TTC28: variants seen among roughly 807,000 people sequenced by gnomAD.
TTC28 encodes the protein tetratricopeptide repeat domain 28, also known as tetratricopeptide repeat protein 28.
In TTC28, 61 loss-of-function variants were observed where a neutral mutation model predicts 198.0. The ratio of observed to expected loss-of-function variants is 0.31; its 90% CI spans 0.25 to 0.38. The LOEUF (loss-of-function observed/expected upper bound fraction) is 0.38. Among genes scored for constraint, TTC28 ranks in the 10% least tolerant of loss-of-function variants. The pLI, the probability that TTC28 is intolerant of heterozygous loss-of-function variation, is 1.00. For missense variants in TTC28, 2,678 were observed against 3,164.0 expected, an observed-to-expected ratio of 0.85 and a Z score of 3.69; for synonymous variants, 1,171 against 1,297.8, an observed-to-expected ratio of 0.90 and a Z score of 2.10.
chr22:28,144,844 AC>A (rs1415921122), intron 6 of TTC28, among the ~76,000 whole-genome samples: 1 of 152,216 alleles, frequency 6.6e-6, no homozygotes, highest in East Asian at 1.9e-4. Context: ...GGTGCGCCTC[AC>A]CATCTGGGCA....
chr22:28,257,618 G>C (rs191826455), intron 5 of TTC28, among the ~76,000 whole-genome samples: 27 of 150,934 alleles, frequency 1.8e-4, no homozygotes, highest in Admixed American at 1.6e-3. Flanking sequence ...AGAGCGAAAA[G>C]GAGAAAAGGA....
chr22:28,308,289 G>C (rs972612946), intron 2 of TTC28, among the ~76,000 whole-genome samples: 1 of 151,934 alleles, frequency 6.6e-6, no homozygotes, highest in African/African-American at 2.4e-5. Context: ...TATTGCAAGA[G>C]GCAACAGTAT....
intron 5 of TTC28, among the ~76,000 whole-genome samples, chr22:28,260,805 G>A (rs1931263719): frequency 6.6e-6 from 1 of 152,214 alleles, no homozygotes; most frequent in South Asian, 2.1e-4. Context: ...AGACTAATGG[G>A]TCACTGTCAG....
At chr22:28,355,787 A>T (rs1450766306) in intron 2 of TTC28, among the ~76,000 whole-genome samples, 3 of 152,162 alleles carry the variant, frequency 2.0e-5, no homozygotes, top group Non-Finnish European at 4.4e-5. Context: ...AACAGATCTC[A>T]CACCCAACTA....
intron 2 of TTC28, among the ~76,000 whole-genome samples, chr22:28,468,690 A>ATTTTTTTTTTTT (rs35984422): frequency 2.5e-4 from 31 of 122,288 alleles, no homozygotes; most frequent in Non-Finnish European, 4.5e-4. Flanking sequence ...CGCCCGGCTA[A>ATTTTTTTTTTTT]TTTTTTTTTT....
At chr22:28,658,854 G>A (rs573922968) in intron 1 of TTC28, among the ~76,000 whole-genome samples, 15 of 152,152 alleles carry the variant, frequency 9.9e-5, no homozygotes, top group East Asian at 3.9e-4. Flanking sequence ...AAAATTAGCC[G>A]GACATGGTGA....
chr22:28,280,795 T>C (rs1257729459), intron 5 of TTC28, among the ~76,000 whole-genome samples: 1 of 152,248 alleles, frequency 6.6e-6, no homozygotes, highest in Non-Finnish European at 1.5e-5. Flanking sequence ...GATAATTTTC[T>C]TGGTTTTCCC....
chr22:28,495,621 T>C (rs1374599971), intron 2 of TTC28, among the ~76,000 whole-genome samples: 1 of 152,104 alleles, frequency 6.6e-6, no homozygotes, highest in Non-Finnish European at 1.5e-5. Flanking sequence ...CAAAAAATAG[T>C]GAATTAAATA....
chr22:28,657,300 T>C (rs73170615), intron 1 of TTC28, among the ~76,000 whole-genome samples: 5,042 of 152,310 alleles, frequency 0.033, 125 homozygotes, highest in Middle Eastern at 0.068. Flanking sequence ...CTTTGAAATG[T>C]AACTCTTGTT....
intron 2 of TTC28, among the ~76,000 whole-genome samples, chr22:28,377,851 G>A (rs1262576967): frequency 6.6e-6 from 1 of 152,046 alleles, no homozygotes; most frequent in African/African-American, 2.4e-5. Context: ...CCATAAAGAG[G>A]AGAATAATAA....
At chr22:28,582,088 T>A (rs2050241402) in intron 2 of TTC28, among the ~76,000 whole-genome samples, 1 of 152,138 alleles carries the variant, frequency 6.6e-6, no homozygotes. Context: ...AACATTTTTC[T>A]TAGATAATAA....
At chr22:28,163,668 A>T in intron 5 of TTC28, 69 bp from the exon 6 acceptor site, 3 of 1,450,262 alleles carry the variant, frequency 2.1e-6, no homozygotes, top group Non-Finnish European at 1.8e-6. Flanking sequence ...TTTGGCAGAT[A>T]AAATTTTACA....
chr22:28,186,704 G>A (rs1002555576), intron 5 of TTC28, among the ~76,000 whole-genome samples: 2 of 152,102 alleles, frequency 1.3e-5, no homozygotes, highest in African/African-American at 4.8e-5. Context: ...AACCTCAGAA[G>A]CCTCTTTCTG....
intron 2 of TTC28, among the ~76,000 whole-genome samples, chr22:28,546,801 G>A (rs1245470346): frequency 6.6e-6 from 1 of 152,114 alleles, no homozygotes; most frequent in African/African-American, 2.4e-5. Context: ...ATAAAAAGGA[G>A]TAAATTACTT....
At chr22:28,483,815 C>A (rs2048283253) in intron 2 of TTC28, among the ~76,000 whole-genome samples, 2 of 152,180 alleles carry the variant, frequency 1.3e-5, no homozygotes, top group South Asian at 4.1e-4. Context: ...GTGGCAAATA[C>A]ACTAGACTAA....
chr22:28,384,216 CTCT>C (rs952487590), intron 2 of TTC28, among the ~76,000 whole-genome samples: 1 of 152,144 alleles, frequency 6.6e-6, no homozygotes, highest in Non-Finnish European at 1.5e-5. Context: ...CTCTTCATCA[CTCT>C]TTTTTTTTAA....
At chr22:28,052,190 C>T (rs990729837) in intron 12 of TTC28, among the ~76,000 whole-genome samples, 10 of 152,040 alleles carry the variant, frequency 6.6e-5, no homozygotes, top group African/African-American at 1.7e-4. Context: ...CATATATGTG[C>T]GGAACAAAAC....
intron 15 of TTC28, chr22:27,999,713 G>A (rs535195199): frequency 1.4e-4 from 22 of 162,176 alleles, no homozygotes; most frequent in Admixed American, 4.8e-4. Context: ...GGGGAGACAG[G>A]GCTAAACTTA....
intron 2 of TTC28, among the ~76,000 whole-genome samples, chr22:28,352,986 G>T (rs2046022513): frequency 6.6e-6 from 1 of 152,106 alleles, no homozygotes; most frequent in South Asian, 2.1e-4. Context: ...AAAAAAGAGG[G>T]TACTTCATTG....
Sources: gnomAD v4.1 joint callset for allele counts (sites outside exome capture counted in the v4.1 genomes callset) on GRCh38, gnomAD v4.1.1 for gene constraint, MANE v1.5 for transcripts, NCBI Gene and HGNC (gene_info 2026-07-23, HGNC 2026-07-21) for gene names.